The following TMEM74 variants were observed in gnomAD, a reference collection of about 807,000 sequenced individuals.
TMEM74 encodes transmembrane protein 74.
Under a neutral mutation model 18.1 loss-of-function variants are expected in TMEM74, and 13 were observed. The ratio of observed to expected loss-of-function variants is 0.72; its 90% CI spans 0.47 to 1.14. TMEM74 has a LOEUF of 1.14. TMEM74 is among the 50% of genes most tolerant of loss of function. TMEM74 has a pLI of 0.00. For synonymous variants in TMEM74, 159 were observed against 146.6 expected (o/e 1.08, Z -0.61); for missense variants, 372 against 375.9 (o/e 0.99, Z 0.09).
intron 1 of TMEM74, among the ~76,000 whole-genome samples, chr8:108,699,632 C>A (rs1813316178): frequency 6.6e-6 from 1 of 152,074 alleles, no homozygotes; most frequent in Non-Finnish European, 1.5e-5. Context: ...ATGATCTCTG[C>A]AAAATGAGGA....
intron 1 of TMEM74, among the ~76,000 whole-genome samples, chr8:108,719,319 AT>A (rs1813561815): frequency 6.6e-6 from 1 of 152,090 alleles, no homozygotes; most frequent in South Asian, 2.1e-4. Context: ...TTTAAAATTA[AT>A]TTTGTTAAAT....
intron 1 of TMEM74, among the ~76,000 whole-genome samples, chr8:108,757,631 A>G (rs1295355555): frequency 3.9e-5 from 6 of 151,984 alleles, no homozygotes; most frequent in African/African-American, 7.2e-5. Flanking sequence ...TTTAAACAAT[A>G]CATTGCTTTT....
intron 1 of TMEM74, among the ~76,000 whole-genome samples, chr8:108,681,912 A>G (rs1194055139): frequency 2.6e-5 from 4 of 152,158 alleles, no homozygotes; most frequent in South Asian, 4.1e-4. Context: ...ACATCTTGCC[A>G]TCTCTACCAT....
At chr8:108,609,071 G>T (rs1812308113) in intron 2 of TMEM74, among the ~76,000 whole-genome samples, 1 of 152,146 alleles carries the variant, frequency 6.6e-6, no homozygotes, top group Non-Finnish European at 1.5e-5. Context: ...TTGAAGCTAG[G>T]TTTTATAAAA....
At chr8:108,743,942 A>T (rs542462901) in intron 1 of TMEM74, among the ~76,000 whole-genome samples, 1 of 152,260 alleles carries the variant, frequency 6.6e-6, no homozygotes, top group African/African-American at 2.4e-5. Flanking sequence ...TTATTTAGAC[A>T]GTTTTTACCT....
At chr8:108,759,335 A>G (rs1814013763) in intron 1 of TMEM74, among the ~76,000 whole-genome samples, 1 of 152,112 alleles carries the variant, frequency 6.6e-6, no homozygotes, top group Non-Finnish European at 1.5e-5. Flanking sequence ...AGGCAATTTG[A>G]CAGTATCTAT....
At chr8:108,704,233 A>G (rs542716022) in intron 1 of TMEM74, among the ~76,000 whole-genome samples, 2 of 152,340 alleles carry the variant, frequency 1.3e-5, no homozygotes, top group African/African-American at 4.8e-5. Flanking sequence ...TTTCAAGTTT[A>G]CTAGACTGGG....
At chr8:108,666,172 G>GCTGGTGATAT (rs1812947029) in intron 1 of TMEM74, among the ~76,000 whole-genome samples, 1 of 152,110 alleles carries the variant, frequency 6.6e-6, no homozygotes, top group African/African-American at 2.4e-5. Flanking sequence ...TATTTTAAGA[G>GCTGGTGATAT]AGAGCCTGGT....
chr8:108,609,722 G>C (rs1812314871), intron 2 of TMEM74, among the ~76,000 whole-genome samples: 1 of 152,152 alleles, frequency 6.6e-6, no homozygotes, highest in Non-Finnish European at 1.5e-5. Flanking sequence ...AAACAGACTT[G>C]AAAGTAATTT....
chr8:108,784,672 T>C lies in TMEM74; in HGVS notation c.427A>G (p.Asn143Asp), dbSNP rs533268882. ...GCCTCTTGGGACCACTCATTTGGAT[T>C]TTCCCAGCCAAGCTCCCCAGGGTGA... is the stretch of plus-strand genomic sequence containing the variant. Reference protein sequence around the residue: ...HNHPGELGWENPNEWSQEAAI... With the variant: ...HNHPGELGWEDPNEWSQEAAI... The change falls in exon 2 of 2, where the codon AAT (asparagine) becomes GAT (aspartate). Residue 143 changes from asparagine (N) to aspartate (D), a missense_variant. Transcript: ENST00000297459. 1 of 1,614,172 alleles carries C rather than the reference T, an allele frequency of 6.2e-7. No homozygotes were observed. The highest frequency in any genetic ancestry group is 1.1e-5 in the South Asian group (1 of 91,086).
rs1812628173 is a variant in TMEM74, at chr8:108,638,398, T to C, written n.264+16895A>G. On this transcript the variant is annotated intron_variant and non_coding_transcript_variant, in intron 2 of 3. Coordinates refer to the TMEM74 transcript ENST00000518838. The stretch of plus-strand genomic sequence containing the variant: ...GTTCTTTTGTTATTTCATTTTTTAC[T>C]AACACTCTATTTTGTTGTTAAGATT... 1.3e-5 allele frequency among the ~76,000 whole-genome samples: 2 copies of C among 152,098 alleles called. 1 individual carries two copies. Among genetic ancestry groups the C allele is most frequent in the South Asian group, 4.1e-4 (2 of 4,832 alleles).
chr8:108,662,455 C>T (rs141401047), intron 1 of TMEM74, among the ~76,000 whole-genome samples: 192 of 151,572 alleles, frequency 1.3e-3, no homozygotes, highest in African/African-American at 4.2e-3. Context: ...GGGAGTTGCT[C>T]TTATTGAGGT....
intron 1 of TMEM74, among the ~76,000 whole-genome samples, chr8:108,736,132 TA>T (rs1393615883): frequency 6.6e-6 from 1 of 152,180 alleles, no homozygotes; most frequent in Admixed American, 6.5e-5. Context: ...TGTTTGTCTC[TA>T]AAAAAACTGC....
intron 1 of TMEM74, among the ~76,000 whole-genome samples, chr8:108,773,604 C>A (rs1360274662): frequency 6.6e-6 from 1 of 152,058 alleles, no homozygotes; most frequent in African/African-American, 2.4e-5. Flanking sequence ...TGTTTGACGT[C>A]CAAAACTGGG....
intron 1 of TMEM74, among the ~76,000 whole-genome samples, chr8:108,700,514 T>C (rs1367621651): frequency 6.6e-6 from 1 of 152,174 alleles, no homozygotes; most frequent in East Asian, 1.9e-4. Context: ...GTGTTCCTAA[T>C]AATGGTGATA....
chr8:108,652,647 G>T, intron 2 of TMEM74: 1 of 625,312 alleles, frequency 1.6e-6, no homozygotes, highest in Non-Finnish European at 3.0e-6. Flanking sequence ...GCAAGAAAAA[G>T]AAAGAAGAAA....
chr8:108,736,252 G>T (rs1489224501), intron 1 of TMEM74, among the ~76,000 whole-genome samples: 1 of 151,890 alleles, frequency 6.6e-6, no homozygotes, highest in Non-Finnish European at 1.5e-5. Context: ...TTATATTTGA[G>T]GTCTACTTGT....
intron 2 of TMEM74, among the ~76,000 whole-genome samples, chr8:108,646,561 G>A (rs1812722452): frequency 6.6e-6 from 1 of 152,038 alleles, no homozygotes; most frequent in African/African-American, 2.4e-5. Context: ...TGTATATTCT[G>A]CTTACAGACT....
At chr8:108,755,634 C>CA (rs1267033179) in intron 1 of TMEM74, among the ~76,000 whole-genome samples, 2 of 152,030 alleles carry the variant, frequency 1.3e-5, no homozygotes, top group Non-Finnish European at 2.9e-5. Flanking sequence ...CTCACCTTTA[C>CA]ATTTTATACC....
Sources: allele counts gnomAD v4.1 joint callset (sites outside exome capture counted in the v4.1 genomes callset), GRCh38; gene constraint gnomAD v4.1.1; transcripts MANE v1.5; gene names NCBI Gene and HGNC (gene_info 2026-07-23, HGNC 2026-07-21).